Variants in PDE4D observed in about 807,000 individuals in gnomAD.
PDE4D encodes the protein 3',5'-cyclic-AMP phosphodiesterase 4D.
In PDE4D, 24 loss-of-function variants were observed where a neutral mutation model predicts 87.4. That is an observed-to-expected ratio of 0.27 (90% CI 0.20 to 0.39). The LOEUF (loss-of-function observed/expected upper bound fraction) is 0.39. Among genes scored for constraint, PDE4D ranks in the 10% least tolerant of loss-of-function variants. The pLI, the probability that PDE4D is intolerant of heterozygous loss-of-function variation, is 1.00. For missense variants in PDE4D, 714 were observed against 1,041.0 expected (o/e 0.69, Z 4.32); for synonymous variants, 384 against 383.2 (o/e 1.00, Z -0.02).
intron 1 of PDE4D, among the ~76,000 whole-genome samples, chr5:60,352,557 T>C (rs544958551): frequency 6.6e-6 from 1 of 152,340 alleles, no homozygotes; most frequent in Admixed American, 6.5e-5. Flanking sequence ...CCTTCAGCCA[T>C]AGAAATAAGC....
intron 1 of PDE4D, among the ~76,000 whole-genome samples, chr5:59,870,395 A>G (rs190811424): frequency 6.6e-6 from 1 of 152,230 alleles, no homozygotes; most frequent in African/African-American, 2.4e-5. Flanking sequence ...TAACAAATGC[A>G]CATGTTCAGT....
intron 1 of PDE4D, among the ~76,000 whole-genome samples, chr5:59,521,505 A>G (rs1812238148): frequency 6.6e-6 from 1 of 152,180 alleles, no homozygotes; most frequent in African/African-American, 2.4e-5. Context: ...ACTTATAGAC[A>G]CAGCTTTCTA....
intron 5 of PDE4D, among the ~76,000 whole-genome samples, chr5:59,046,029 G>T (rs1297084423): frequency 6.6e-6 from 1 of 152,172 alleles, no homozygotes; most frequent in East Asian, 1.9e-4. Flanking sequence ...TGGACTTCTT[G>T]CTCTTAAAAA....
intron 1 of PDE4D, among the ~76,000 whole-genome samples, chr5:59,432,327 T>C (rs1206703534): frequency 6.6e-6 from 1 of 152,090 alleles, no homozygotes; most frequent in Non-Finnish European, 1.5e-5. Context: ...TAGTGAGTTC[T>C]TTTCAATAGT....
At chr5:59,105,666 T>C (rs1289125794) in intron 5 of PDE4D, among the ~76,000 whole-genome samples, 1 of 152,104 alleles carries the variant, frequency 6.6e-6, no homozygotes, top group Non-Finnish European at 1.5e-5. Context: ...AAGCAGAAAG[T>C]GGGGTATTAG....
At chr5:59,987,159 C>T (rs1054632525) in intron 3 of PDE4D, 16 of 152,160 alleles carry the variant, frequency 1.1e-4, no homozygotes, top group African/African-American at 3.6e-4. Context: ...CCTGGATACA[C>T]CTGATATCTG....
At chr5:60,419,674 T>C (rs372985980) in intron 1 of PDE4D, among the ~76,000 whole-genome samples, 42 of 152,246 alleles carry the variant, frequency 2.8e-4, no homozygotes, top group African/African-American at 9.9e-4. Flanking sequence ...CTAGAAACAA[T>C]TGCAAATCAA....
At chr5:59,239,171 C>G (rs1459092650) in intron 1 of PDE4D, among the ~76,000 whole-genome samples, 1 of 152,216 alleles carries the variant, frequency 6.6e-6, no homozygotes, top group Admixed American at 6.5e-5. Flanking sequence ...TGGTGCTGTA[C>G]TGCTGTCTGT....
At chr5:59,109,935 C>T (rs912290594) in intron 5 of PDE4D, among the ~76,000 whole-genome samples, 2 of 152,098 alleles carry the variant, frequency 1.3e-5, no homozygotes, top group East Asian at 1.9e-4. Context: ...GGAGACTTGC[C>T]TTGTGCTGCC....
Position 59,231,010 on chromosome 5 carries a change from A to G in PDE4D, c.456-15042T>C, listed in dbSNP as rs116042979. On this transcript the variant is annotated intron_variant, in intron 1 of 14. Coordinates refer to ENST00000340635, the MANE Select transcript of PDE4D (RefSeq NM_001104631.2). ...AGAATAAAAAAAGATATGTCTCATTATGTGTCTCATTGTATAATAAGTACA... is the reference window on the plus strand; with the variant it reads ...AGAATAAAAAAAGATATGTCTCATTGTGTGTCTCATTGTATAATAAGTACA... Among the ~76,000 whole-genome samples, 271 of 152,304 alleles carry G rather than the reference A, an allele frequency of 1.8e-3. 2 individuals are homozygous for G. The highest frequency in any genetic ancestry group is 5.9e-3 in the African/African-American group (246 of 41,562).
intron 5 of PDE4D, among the ~76,000 whole-genome samples, chr5:59,043,812 T>G (rs1760156982): frequency 6.6e-6 from 1 of 152,080 alleles, no homozygotes; most frequent in Non-Finnish European, 1.5e-5. Context: ...GGTATTTGGT[T>G]TTTTGTCCTT....
At chr5:60,514,394 A>C (rs1265544393) in intron 1 of PDE4D, among the ~76,000 whole-genome samples, 1 of 152,084 alleles carries the variant, frequency 6.6e-6, no homozygotes, top group Non-Finnish European at 1.5e-5. Context: ...TATTAAAAGA[A>C]AAGAAAAGTC....
At chr5:59,536,293 C>T (rs1047041218) in intron 1 of PDE4D, among the ~76,000 whole-genome samples, 2 of 151,856 alleles carry the variant, frequency 1.3e-5, no homozygotes, top group Admixed American at 1.3e-4. Context: ...ATCACAAGGT[C>T]AGGAGATTGA....
chr5:59,778,214 G>A (rs990908849), intron 1 of PDE4D, among the ~76,000 whole-genome samples: 15 of 152,106 alleles, frequency 9.9e-5, no homozygotes, highest in African/African-American at 2.4e-4. Context: ...TGAAACATGC[G>A]AAGGACACTT....
chr5:59,339,064 A>G (rs1426239468), intron 1 of PDE4D, among the ~76,000 whole-genome samples: 8 of 152,224 alleles, frequency 5.3e-5, no homozygotes, highest in Non-Finnish European at 1.5e-5. Flanking sequence ...CAAGTCCTAC[A>G]GAACTGTAGC....
chr5:59,689,096 A>G (rs1487762244), intron 1 of PDE4D, among the ~76,000 whole-genome samples: 1 of 152,196 alleles, frequency 6.6e-6, no homozygotes, highest in Non-Finnish European at 1.5e-5. Context: ...CCAACCAAAA[A>G]AAGTCCAGGA....
chr5:59,318,325 G>A (rs1490057006), intron 1 of PDE4D, among the ~76,000 whole-genome samples: 1 of 152,074 alleles, frequency 6.6e-6, no homozygotes, highest in African/African-American at 2.4e-5. Context: ...AAATTGAGGT[G>A]GAGTACAGTT....
intron 2 of PDE4D, among the ~76,000 whole-genome samples, chr5:60,132,766 A>T (rs1779694110): frequency 6.6e-6 from 1 of 152,166 alleles, no homozygotes; most frequent in Non-Finnish European, 1.5e-5. Flanking sequence ...CTGAGGCAGG[A>T]GAATCGCTTG....
At chr5:60,228,501 TG>T (rs1222911167) in intron 1 of PDE4D, among the ~76,000 whole-genome samples, 2 of 142,806 alleles carry the variant, frequency 1.4e-5, no homozygotes, top group East Asian at 7.2e-4. Flanking sequence ...ATTACTTGGG[TG>T]CCCCCCAATG....
Sources: allele counts gnomAD v4.1 joint callset (sites outside exome capture counted in the v4.1 genomes callset), GRCh38; gene constraint gnomAD v4.1.1; transcripts MANE v1.5; gene names NCBI Gene and HGNC (gene_info 2026-07-23, HGNC 2026-07-21).